Variants in TFCP2L1 observed in about 807,000 individuals in gnomAD.
TFCP2L1 encodes transcription factor CP2 like 1.
A neutral mutation model predicts 72.2 loss-of-function variants in TFCP2L1; 12 were observed. The observed-to-expected ratio is 0.17, with a 90% CI of 0.11 to 0.27. TFCP2L1 has a LOEUF of 0.27. Among genes scored for constraint, TFCP2L1 ranks in the 10% least tolerant of loss-of-function variants. The pLI, the probability that TFCP2L1 is intolerant of heterozygous loss-of-function variation, is 1.00. For synonymous variants in TFCP2L1, 260 were observed against 251.0 expected (o/e 1.04, Z -0.34); for missense variants, 488 against 624.6 (o/e 0.78, Z 2.33).
chr2:121,234,028 G>T, intron 12 of TFCP2L1, 63 bp downstream of exon 12: 1 of 1,426,038 alleles, frequency 7.0e-7, no homozygotes, highest in Non-Finnish European at 9.9e-7. Context: ...GCCAGACTGC[G>T]GGCTTGAAAG....
intron 13 of TFCP2L1, among the ~76,000 whole-genome samples, chr2:121,228,391 A>G (rs1686073622): frequency 6.6e-6 from 1 of 151,908 alleles, no homozygotes; most frequent in African/African-American, 2.4e-5. Context: ...CTTCCTGGCT[A>G]TTCTAAAGTC....
At chr2:121,275,259 CTG>C (rs1687122701) in intron 2 of TFCP2L1, among the ~76,000 whole-genome samples, 1 of 7,258 alleles carries the variant, frequency 1.4e-4, no homozygotes, top group African/African-American at 1.8e-3. Flanking sequence ...CGGCGGGCGC[CTG>C]TAGTCGCGGC....
Position 121,242,587 on chromosome 2 carries a change from A to T in TFCP2L1, c.658-118T>A, listed in dbSNP as rs945926812. On this transcript the variant is annotated intron_variant, in intron 6 of 14. Coordinates refer to ENST00000263707, the MANE Select transcript of TFCP2L1 (RefSeq NM_014553.3). ...AGGGCGCAGGGAGGAACTCAGGGGC[A>T]GGACAGCACCTATCTCCCCTCCCAT... The T allele has an allele frequency of 9.0e-6, 8 of 890,250 alleles. No homozygotes were observed. The African/African-American group carries it at 1.1e-4, about 13-fold the overall frequency. The allele number at this position is 890,250 out of a possible 1,614,324, so 55.1% of individuals were successfully genotyped here. A position where few individuals can be genotyped will look rare whatever the true frequency, so the allele number is the denominator to read the frequency against.
intron 2 of TFCP2L1, among the ~76,000 whole-genome samples, chr2:121,256,614 TA>T (rs1161928822): frequency 6.6e-6 from 1 of 151,900 alleles, no homozygotes; most frequent in Non-Finnish European, 1.5e-5. Context: ...CCGTCTCTAC[TA>T]AAAATACAAA....
chr2:121,225,218 G>C (rs969186986), intron 14 of TFCP2L1, among the ~76,000 whole-genome samples: 8 of 152,070 alleles, frequency 5.3e-5, no homozygotes, highest in African/African-American at 1.9e-4. Flanking sequence ...CTGTCAGGTG[G>C]GCCCCCTCAT....
At chr2:121,249,170 C>T (rs1686551879) in intron 3 of TFCP2L1, 83 bp from the exon 4 acceptor site, 1 of 1,113,462 alleles carries the variant, frequency 9.0e-7, no homozygotes, top group African/African-American at 1.6e-5. Context: ...CACAGTAAAC[C>T]CTCCCACCTT....
chr2:121,245,269 G>A (rs950353484), intron 6 of TFCP2L1, among the ~76,000 whole-genome samples: 1 of 152,180 alleles, frequency 6.6e-6, no homozygotes, highest in African/African-American at 2.4e-5. Context: ...TTGGAAGCTG[G>A]AATAGGCAAG....
intron 2 of TFCP2L1, among the ~76,000 whole-genome samples, chr2:121,274,495 GTGTATA>G (rs1687107812): frequency 6.6e-6 from 1 of 152,096 alleles, no homozygotes; most frequent in East Asian, 1.9e-4. Flanking sequence ...TGTGCCTAAG[GTGTATA>G]TGAAACATAA....
intron 1 of TFCP2L1, among the ~76,000 whole-genome samples, chr2:121,282,224 C>T (rs931049925): frequency 2.0e-5 from 3 of 151,016 alleles, no homozygotes; most frequent in Admixed American, 1.3e-4. Flanking sequence ...TGAGCCACCG[C>T]GCCCAGCCCA....
intron 2 of TFCP2L1, among the ~76,000 whole-genome samples, chr2:121,254,668 C>T (rs1686680265): frequency 6.6e-6 from 1 of 152,124 alleles, no homozygotes; most frequent in South Asian, 2.1e-4. Flanking sequence ...CGTGGTGGCG[C>T]ATGCTTGTAA....
At chr2:121,249,121 C>T (rs376982151) in intron 3 of TFCP2L1, 34 bp from the exon 4 acceptor site, 104 of 1,477,578 alleles carry the variant, frequency 7.0e-5, no homozygotes, top group Non-Finnish European at 8.6e-5. Context: ...AACAAGTGAC[C>T]GCGGGGGGCC....
intron 2 of TFCP2L1, among the ~76,000 whole-genome samples, chr2:121,265,761 G>A (rs1160570184): frequency 6.6e-6 from 1 of 152,120 alleles, no homozygotes; most frequent in Non-Finnish European, 1.5e-5. Context: ...TAGGATTACA[G>A]GCGTGAGCCA....
intron 2 of TFCP2L1, among the ~76,000 whole-genome samples, chr2:121,251,375 T>C (rs1686610612): frequency 6.6e-6 from 1 of 152,220 alleles, no homozygotes; most frequent in Non-Finnish European, 1.5e-5. Context: ...TCGATTTCTC[T>C]GGGTTTTGCA....
At chr2:121,241,100 C>T (rs1004010286) in intron 7 of TFCP2L1, among the ~76,000 whole-genome samples, 2 of 152,200 alleles carry the variant, frequency 1.3e-5, no homozygotes, top group African/African-American at 4.8e-5. Flanking sequence ...ATTCAATGAA[C>T]AAACACCACC....
intron 2 of TFCP2L1, among the ~76,000 whole-genome samples, chr2:121,250,608 CTTTT>C (rs56784430): frequency 7.3e-6 from 1 of 137,168 alleles, no homozygotes. Context: ...ATTGGCATAT[CTTTT>C]TTTTTTTTTT....
intron 2 of TFCP2L1, among the ~76,000 whole-genome samples, chr2:121,269,918 A>AAAAAAAAAAAAAAAAATATAT: frequency 1.2e-4 from 14 of 115,168 alleles, no homozygotes; most frequent in South Asian, 3.1e-4. Flanking sequence ...AAAAAAAAAA[A>AAAAAAAAAAAAAAAAATATAT]ATATATATAT....
intron 3 of TFCP2L1, 94 bp downstream of exon 3, chr2:121,249,477 C>A (rs976757459): frequency 7.5e-6 from 9 of 1,200,260 alleles, no homozygotes; most frequent in African/African-American, 1.5e-5. Flanking sequence ...CCCTAACCTT[C>A]CAGCTACCCG....
chr2:121,259,028 A>G (rs1686781799), intron 2 of TFCP2L1, among the ~76,000 whole-genome samples: 1 of 152,178 alleles, frequency 6.6e-6, no homozygotes, highest in Non-Finnish European at 1.5e-5. Flanking sequence ...CAGGTGGATC[A>G]CTTGAGGTCA....
At chr2:121,224,737 C>T (rs924529562) in intron 14 of TFCP2L1, among the ~76,000 whole-genome samples, 7 of 152,162 alleles carry the variant, frequency 4.6e-5, no homozygotes, top group Non-Finnish European at 8.8e-5. Flanking sequence ...AATCCCAGCA[C>T]TTTGGGAGGC....
Sources: gnomAD v4.1 joint callset for allele counts (sites outside exome capture counted in the v4.1 genomes callset) on GRCh38, gnomAD v4.1.1 for gene constraint, MANE v1.5 for transcripts, NCBI Gene and HGNC (gene_info 2026-07-23, HGNC 2026-07-21) for gene names.